Variants in ATP6V1H observed in about 807,000 individuals in gnomAD.
ATP6V1H encodes the protein V-type proton ATPase subunit H.
Under a neutral mutation model 71.7 loss-of-function variants are expected in ATP6V1H, and 39 were observed. That is an observed-to-expected ratio of 0.54 (90% CI 0.42 to 0.71). The LOEUF is 0.71. Ranked by LOEUF, ATP6V1H falls within the 30% of genes least tolerant of loss-of-function variation. The probability of loss-of-function intolerance (pLI) is 0.00; values close to 1 mark genes in which losing one functional copy is unlikely to be tolerated. For synonymous variants in ATP6V1H, 192 were observed against 199.3 expected, an observed-to-expected ratio of 0.96 and a Z score of 0.31; for missense variants, 509 against 594.9, an observed-to-expected ratio of 0.86 and a Z score of 1.50.
chr8:53,834,589 C>G (rs1394198726), intron 2 of ATP6V1H, among the ~76,000 whole-genome samples: 1 of 152,028 alleles, frequency 6.6e-6, no homozygotes. Flanking sequence ...CCACGCCCAG[C>G]TAATTTTTTT....
intron 12 of ATP6V1H, among the ~76,000 whole-genome samples, chr8:53,753,067 G>A (rs1426584986): frequency 6.7e-6 from 1 of 149,446 alleles, no homozygotes; most frequent in East Asian, 2.0e-4. Flanking sequence ...CTATAACCAT[G>A]AGAGAAACCA....
chr8:53,780,647 A>C (rs55964335), intron 9 of ATP6V1H, among the ~76,000 whole-genome samples: 24,305 of 151,842 alleles, frequency 0.16, 3,104 homozygotes, highest in East Asian at 0.37. Context: ...CCCATTAACT[A>C]GTCATTTAGC....
chr8:53,768,825 T>C (rs149898443), intron 11 of ATP6V1H, among the ~76,000 whole-genome samples: 46 of 152,254 alleles, frequency 3.0e-4, no homozygotes, highest in Non-Finnish European at 5.6e-4. Flanking sequence ...TTTGAAGCAA[T>C]GAAAATGTTC....
At chr8:53,762,207 C>A (rs1808294760) in intron 11 of ATP6V1H, among the ~76,000 whole-genome samples, 1 of 151,490 alleles carries the variant, frequency 6.6e-6, no homozygotes, top group Admixed American at 6.6e-5. Flanking sequence ...ACAAAAAGTT[C>A]CAATGAAGTT....
In ATP6V1H at chr8:53,743,703, G is replaced by A; in HGVS notation, c.1278-13C>T. ...CTGCTCGATGACCCTGCAAACGGGA[G>A]AGACGTGGTGAGGAAGATGCAATTA... On this transcript the variant is annotated splice_polypyrimidine_tract_variant and intron_variant, in intron 12 of 13. Transcript: ENST00000359530. The A allele has an allele frequency of 6.3e-7, 1 of 1,577,242 alleles. No individual in the cohort carries two copies. Among genetic ancestry groups the A allele is most frequent in the Non-Finnish European group, 8.7e-7 (1 of 1,151,322 alleles).
chr8:53,733,676 A>G (rs1207866855), intron 13 of ATP6V1H, among the ~76,000 whole-genome samples: 1 of 152,174 alleles, frequency 6.6e-6, no homozygotes, highest in African/African-American at 2.4e-5. Context: ...AGGTGAGAAA[A>G]TTCTTAGGAG....
At chr8:53,766,684 T>G (rs1257288828) in intron 11 of ATP6V1H, among the ~76,000 whole-genome samples, 2 of 152,080 alleles carry the variant, frequency 1.3e-5, no homozygotes, top group African/African-American at 4.8e-5. Context: ...CCCCCCAGGG[T>G]GTACCTGTCT....
intron 2 of ATP6V1H, chr8:53,839,888 T>C: frequency 1.0e-6 from 1 of 985,540 alleles, no homozygotes; most frequent in Non-Finnish European, 1.2e-6. Flanking sequence ...CCAAACTCCT[T>C]CCAACCACAC....
Position 53,743,700 on chromosome 8 carries a change from G to A in ATP6V1H, c.1278-10C>T. The A allele has an allele frequency of 6.3e-7, 1 of 1,588,854 alleles. No individual in the cohort carries two copies. The highest frequency in any genetic ancestry group is 1.1e-5 in the South Asian group (1 of 89,286). ...GAGCTGCTCGATGACCCTGCAAACG[G>A]GAGAGACGTGGTGAGGAAGATGCAA... On this transcript the variant is annotated splice_polypyrimidine_tract_variant and intron_variant, in intron 12 of 13. Coordinates refer to ENST00000359530, the MANE Select transcript of ATP6V1H (RefSeq NM_015941.4).
intron 7 of ATP6V1H, among the ~76,000 whole-genome samples, chr8:53,804,361 G>A (rs1203291079): frequency 6.6e-6 from 1 of 152,146 alleles, no homozygotes; most frequent in Non-Finnish European, 1.5e-5. Flanking sequence ...ATAAAAAGGT[G>A]ATATAATTTG....
At chr8:53,731,778 C>T (rs1187551609) in intron 13 of ATP6V1H, among the ~76,000 whole-genome samples, 2 of 152,270 alleles carry the variant, frequency 1.3e-5, no homozygotes, top group Non-Finnish European at 2.9e-5. Flanking sequence ...AGGTAATTAA[C>T]AGATGGTAGA....
intron 1 of ATP6V1H, chr8:53,842,776 A>C (rs1198221047): frequency 2.0e-5 from 3 of 152,204 alleles, no homozygotes; most frequent in Non-Finnish European, 4.4e-5. Flanking sequence ...AGTCCTGGAG[A>C]AGGTATACTT....
intron 2 of ATP6V1H, among the ~76,000 whole-genome samples, chr8:53,837,494 G>GAA (rs11313569): frequency 3.0e-5 from 4 of 134,886 alleles, no homozygotes; most frequent in Non-Finnish European, 3.3e-5. Context: ...AAATGCTATG[G>GAA]AAAAAAAAAA....
At chr8:53,716,906 T>G (rs1563433091) in intron 13 of ATP6V1H, among the ~76,000 whole-genome samples, 1 of 152,220 alleles carries the variant, frequency 6.6e-6, no homozygotes, top group African/African-American at 2.4e-5. Flanking sequence ...GAAAAAACTA[T>G]TTAAAAGTTT....
rs529000032 is a variant in ATP6V1H, at chr8:53,781,097, A to G, written c.871-8930T>C. Among the ~76,000 whole-genome samples, 336 of 152,270 alleles carry G rather than the reference A, an allele frequency of 2.2e-3. 1 individual carries two copies. The highest frequency in any genetic ancestry group is 7.8e-3 in the African/African-American group (325 of 41,556). On this transcript the variant is annotated intron_variant, in intron 9 of 13. Coordinates refer to ENST00000359530, the MANE Select transcript of ATP6V1H (RefSeq NM_015941.4). ...GGTCAAATGGTATTTCTAGTTCTAGATCCCTCAGGAATCGCCACACTGACT... is the reference window on the plus strand; with the variant it reads ...GGTCAAATGGTATTTCTAGTTCTAGGTCCCTCAGGAATCGCCACACTGACT...
At chr8:53,757,202 T>C (rs1808097749) in intron 11 of ATP6V1H, among the ~76,000 whole-genome samples, 1 of 152,178 alleles carries the variant, frequency 6.6e-6, no homozygotes, top group Non-Finnish European at 1.5e-5. Flanking sequence ...CTTGCCCTTC[T>C]GGTACTTTCT....
intron 13 of ATP6V1H, among the ~76,000 whole-genome samples, chr8:53,721,647 C>T (rs1806621317): frequency 6.6e-6 from 1 of 152,034 alleles, no homozygotes; most frequent in East Asian, 1.9e-4. Context: ...GGGGAGTGTA[C>T]TGGTACCAAG....
chr8:53,808,833 C>A (rs1810179467), intron 7 of ATP6V1H, among the ~76,000 whole-genome samples: 1 of 151,642 alleles, frequency 6.6e-6, no homozygotes, highest in Non-Finnish European at 1.5e-5. Flanking sequence ...TTGTAATGAT[C>A]CACTTATAAC....
chr8:53,796,299 C>T (rs1263348015), intron 8 of ATP6V1H, among the ~76,000 whole-genome samples: 1 of 151,992 alleles, frequency 6.6e-6, no homozygotes, highest in Admixed American at 6.6e-5. Flanking sequence ...ATTCGGGGGT[C>T]AGGAAAAACC....
Sources: allele counts gnomAD v4.1 joint callset (sites outside exome capture counted in the v4.1 genomes callset), GRCh38; gene constraint gnomAD v4.1.1; transcripts MANE v1.5; gene names NCBI Gene and HGNC (gene_info 2026-07-23, HGNC 2026-07-21).